The following ENTPD1 variants were observed in gnomAD, a reference collection of about 807,000 sequenced individuals.
The protein encoded by ENTPD1 is ATP diphosphohydrolase.
A neutral mutation model predicts 57.0 loss-of-function variants in ENTPD1; 33 were observed. The ratio of observed to expected loss-of-function variants is 0.58; its 90% CI spans 0.44 to 0.77. The LOEUF is 0.77. Among genes scored for constraint, ENTPD1 ranks in the 30% least tolerant of loss-of-function variants. ENTPD1 has a pLI of 0.00. For synonymous variants in ENTPD1, 202 were observed against 218.8 expected (o/e 0.92, Z 0.68); for missense variants, 501 against 603.4 (o/e 0.83, Z 1.78).
In ENTPD1 at chr10:95,873,197, A is replaced by G; in HGVS notation, c.*6814A>G. Reference sequence around the variant, plus strand: ...TATCAAAGGTCTAGATGACATTATCATTCCAAAGAGTTTCTTTTACAGGCT... The same window carrying G: ...TATCAAAGGTCTAGATGACATTATCGTTCCAAAGAGTTTCTTTTACAGGCT... On this transcript the variant is annotated 3_prime_UTR_variant, in exon 10 of 10. Coordinates refer to ENST00000371205, the MANE Select transcript of ENTPD1 (RefSeq NM_001776.6). 1 of 985,462 alleles carries G rather than the reference A, an allele frequency of 1.0e-6. No individual in the cohort carries two copies. The highest frequency in any genetic ancestry group is 1.2e-6 in the Non-Finnish European group (1 of 829,936). The allele number at this position is 985,462 out of a possible 1,614,324, so 61.0% of individuals were successfully genotyped here.
chr10:95,694,233 C>T, the ENTPD1 span: 2 of 344,930 alleles, frequency 5.8e-6, no homozygotes, highest in Non-Finnish European at 5.4e-6. Context: ...ACTTCGCGGC[C>T]CAGAGGACTG....
upstream of ENTPD1, among the ~76,000 whole-genome samples, chr10:95,709,900 C>A (rs2097964171): frequency 6.6e-6 from 1 of 151,768 alleles, no homozygotes; most frequent in South Asian, 2.1e-4. Context: ...GCCCCCCCCA[C>A]CAGTAGCTGG....
rs1313066184 is a variant in ENTPD1, at chr10:95,736,752, GGGCCATAA to G, written c.37+24761_37+24768del. Among the ~76,000 whole-genome samples the G allele has an allele frequency of 3.3e-5, 5 of 152,152 alleles. 1 individual carries two copies. Among genetic ancestry groups the G allele is most frequent in the Admixed American group, 3.3e-4 (5 of 15,278 alleles). ...AATGTGCTTCATTTATGCACATCGG[GGGCCATAA>G]GTGCCTTTGAATTTATGCTTCCACC... On this transcript the variant is annotated intron_variant, in intron 1 of 9. Coordinates refer to the ENTPD1 transcript ENST00000453258.
chr10:95,839,383 A>G (rs576337063), intron 2 of ENTPD1: 4 of 389,060 alleles, frequency 1.0e-5, no homozygotes, highest in Admixed American at 3.8e-5. Flanking sequence ...CTACTTCAGC[A>G]TGTGGTTCTG....
Position 95,871,025 on chromosome 10 carries a change from G to A in ENTPD1, c.*4642G>A, listed in dbSNP as rs1465580076. 1.0e-6 allele frequency: 1 copy of A among 985,428 alleles called. No individual in the cohort carries two copies. Among genetic ancestry groups the A allele is most frequent in the Non-Finnish European group, 1.2e-6 (1 of 829,944 alleles). 61.0% of individuals were successfully genotyped at this position (985,428 alleles called of 1,614,324 possible). On this transcript the variant is annotated 3_prime_UTR_variant, in exon 10 of 10. Transcript: ENST00000371205. ...ATGAACCCCGCAGAGGCTCGTGAAA[G>A]TGAGAGGAAACTAGGATGCCTCTTA...
upstream of ENTPD1, chr10:95,755,744 C>A: frequency 6.5e-7 from 1 of 1,537,198 alleles, no homozygotes; most frequent in South Asian, 1.2e-5. Flanking sequence ...TCTTGACTTT[C>A]AGTTTTTCGA....
At chr10:95,783,727 G>T (rs2098166926) in intron 1 of ENTPD1, among the ~76,000 whole-genome samples, 1 of 151,324 alleles carries the variant, frequency 6.6e-6, no homozygotes, top group South Asian at 2.1e-4. Flanking sequence ...AAAAAAAACA[G>T]TGTCCACTTC....
intron 1 of ENTPD1, among the ~76,000 whole-genome samples, chr10:95,735,213 T>C (rs1342090658): frequency 6.6e-6 from 1 of 152,096 alleles, no homozygotes; most frequent in African/African-American, 2.4e-5. Context: ...GTATTTTTAG[T>C]AGAGACGGGG....
At chr10:95,724,509 TTATAGCTC>T (rs538424164) in intron 1 of ENTPD1, among the ~76,000 whole-genome samples, 1 of 152,112 alleles carries the variant, frequency 6.6e-6, no homozygotes, top group Non-Finnish European at 1.5e-5. Context: ...GTGGTGAGTG[TTATAGCTC>T]TATTAGAAGC....
chr10:95,810,555 G>A (rs1348322965), intron 1 of ENTPD1, among the ~76,000 whole-genome samples: 1 of 152,208 alleles, frequency 6.6e-6, no homozygotes, highest in Non-Finnish European at 1.5e-5. Context: ...TCACTTCCCA[G>A]ACAGGGTTTA....
At chr10:95,836,014 T>G (rs142078961) in intron 2 of ENTPD1, among the ~76,000 whole-genome samples, 159 of 152,288 alleles carry the variant, frequency 1.0e-3, no homozygotes, top group African/African-American at 3.6e-3. Context: ...TTGTGAGAGG[T>G]AGGGGTGTAG....
chr10:95,867,760 A>G lies in ENTPD1; in HGVS notation c.*1377A>G. ...ATTCTGACCTTGTCCCAAGCTCTCC[A>G]TCTCTAGATCTGGGGACTGACTGTT... is the stretch of plus-strand genomic sequence containing the variant. On this transcript the variant is annotated 3_prime_UTR_variant, in exon 10 of 10. Transcript: ENST00000371205. 2.0e-6 allele frequency: 2 copies of G among 985,436 alleles called. No homozygotes were observed. The highest frequency in any genetic ancestry group is 2.4e-6 in the Non-Finnish European group (2 of 829,934). 61.0% of individuals were successfully genotyped at this position (985,436 alleles called of 1,614,324 possible).
Position 95,839,721 on chromosome 10 carries a change from C to T in ENTPD1, c.175C>T (p.His59Tyr). 6.2e-7 allele frequency: 1 copy of T among 1,614,098 alleles called. No homozygotes were observed. The change falls in exon 3 of 10, where the codon CAC (histidine) becomes TAC (tyrosine). Residue 59 changes from histidine (H) to tyrosine (Y), a missense_variant. Transcript: ENST00000371205. ...YGIVLDAGSS[H>Y]TSLYIYKWPA... ...GATTGTGCTGGATGCGGGTTCTTCT[C>T]ACACAAGTTTATACATCTATAAGTG...
rs568088751 is a variant in ENTPD1 at position 95,867,217 on chromosome 10, A to G, written c.*834A>G. Reference sequence around the variant, plus strand: ...ATGCATATTTTTATTATGGTAAAATATACATAAATATAATTCACCATTTTA... The same window carrying G: ...ATGCATATTTTTATTATGGTAAAATGTACATAAATATAATTCACCATTTTA... On this transcript the variant is annotated 3_prime_UTR_variant, in exon 10 of 10. Coordinates refer to ENST00000371205, the MANE Select transcript of ENTPD1 (RefSeq NM_001776.6). 3.0e-5 allele frequency: 29 copies of G among 980,298 alleles called. No homozygotes were observed. The South Asian group carries it at 1.1e-3, about 37-fold the overall frequency. 60.7% of individuals were successfully genotyped at this position (980,298 alleles called of 1,614,324 possible).
intron 1 of ENTPD1, among the ~76,000 whole-genome samples, chr10:95,737,299 T>G (rs941703975): frequency 7.9e-5 from 12 of 151,954 alleles, no homozygotes; most frequent in African/African-American, 2.7e-4. Flanking sequence ...GAAGAATGAA[T>G]AGAAGGTGCT....
At chr10:95,799,799 G>A (rs1032434078) in intron 1 of ENTPD1, among the ~76,000 whole-genome samples, 6 of 152,214 alleles carry the variant, frequency 3.9e-5, no homozygotes, top group Non-Finnish European at 7.4e-5. Flanking sequence ...GCCAGCATCC[G>A]TTATTTTTTT....
At chr10:95,850,009 T>G (rs2140898137) in intron 7 of ENTPD1, among the ~76,000 whole-genome samples, 1 of 152,342 alleles carries the variant, frequency 6.6e-6, no homozygotes, top group African/African-American at 2.4e-5. Context: ...ACATGGCCAA[T>G]TCCTGCCTTC....
chr10:95,870,941 C>G lies in ENTPD1; in HGVS notation c.*4558C>G, dbSNP rs745338709. The stretch of plus-strand genomic sequence containing the variant: ...CTTCAGGTGGTAAGGGTGGATCAGA[C>G]CTATTCCATATACCTCTTGTTCTCC... On this transcript the variant is annotated 3_prime_UTR_variant, in exon 10 of 10. Coordinates refer to ENST00000371205, the MANE Select transcript of ENTPD1 (RefSeq NM_001776.6). 1.0e-6 allele frequency: 1 copy of G among 985,438 alleles called. No individual in the cohort carries two copies. The highest frequency in any genetic ancestry group is 1.2e-6 in the Non-Finnish European group (1 of 829,936). 61.0% of individuals were successfully genotyped at this position (985,438 alleles called of 1,614,324 possible). A position where few individuals can be genotyped will look rare whatever the true frequency, so the allele number is the denominator to read the frequency against.
intron 1 of ENTPD1, among the ~76,000 whole-genome samples, chr10:95,716,805 G>A (rs2097972054): frequency 6.6e-6 from 1 of 152,170 alleles, no homozygotes; most frequent in Non-Finnish European, 1.5e-5. Flanking sequence ...TTCCATTATA[G>A]CAATGTAAAA....
Sources: allele counts gnomAD v4.1 joint callset (sites outside exome capture counted in the v4.1 genomes callset), GRCh38; gene constraint gnomAD v4.1.1; transcripts MANE v1.5; gene names NCBI Gene and HGNC (gene_info 2026-07-23, HGNC 2026-07-21).